ERC1: variants seen among roughly 807,000 people sequenced by gnomAD.
ERC1 encodes ELKS/RAB6-interacting/CAST family member 1, also known as RAB6 interacting protein 2.
A neutral mutation model predicts 132.0 loss-of-function variants in ERC1; 56 were observed. The ratio of observed to expected loss-of-function variants is 0.42; its 90% CI spans 0.34 to 0.53. ERC1 has a LOEUF of 0.53. Among genes scored for constraint, ERC1 ranks in the 20% least tolerant of loss-of-function variants. The pLI is 0.03. For missense variants in ERC1, 1,202 were observed against 1,349.9 expected, an observed-to-expected ratio of 0.89 and a Z score of 1.72; for synonymous variants, 478 against 476.1, an observed-to-expected ratio of 1.00 and a Z score of -0.05.
intron 15 of ERC1, among the ~76,000 whole-genome samples, chr12:1,362,359 C>G (rs867070819): frequency 1.5e-4 from 23 of 152,210 alleles, no homozygotes; most frequent in South Asian, 4.2e-4. Context: ...TCTGTCCATC[C>G]GATCTTGGCA....
At chr12:1,251,729 A>G (rs560078133) in intron 13 of ERC1, among the ~76,000 whole-genome samples, 8 of 152,306 alleles carry the variant, frequency 5.3e-5, no homozygotes, top group African/African-American at 1.9e-4. Flanking sequence ...TGGACTCTGT[A>G]GTACTTTTCC....
rs187858581 is a variant in ERC1 at position 1,139,248 on chromosome 12, A to C, written c.1570-2372A>C. 3.9e-5 allele frequency among the ~76,000 whole-genome samples: 6 copies of C among 152,174 alleles called. No homozygotes were observed. In the East Asian group the frequency reaches 1.2e-3, roughly 29 times the overall value. ...CTGCTGTATTCCACCCTGGAGGTGA[A>C]TCTTCCTTCTGTCCAGTGTATCCAC... On this transcript the variant is annotated intron_variant, in intron 7 of 18. Coordinates refer to ENST00000360905, the MANE Select transcript of ERC1 (RefSeq NM_178040.4).
intron 3 of ERC1, among the ~76,000 whole-genome samples, chr12:1,095,698 C>T (rs1443425213): frequency 2.0e-5 from 3 of 152,042 alleles, no homozygotes; most frequent in African/African-American, 4.8e-5. Flanking sequence ...CTTCTATTTC[C>T]AGTCTTCTCT....
intron 8 of ERC1, among the ~76,000 whole-genome samples, chr12:1,147,581 G>A (rs554150018): frequency 6.6e-6 from 1 of 152,278 alleles, no homozygotes; most frequent in South Asian, 2.1e-4. Context: ...ACTTTTAGTG[G>A]ATTAGAAGTT....
intron 17 of ERC1, among the ~76,000 whole-genome samples, chr12:1,432,934 T>TA (rs2092839048): frequency 6.6e-6 from 1 of 152,232 alleles, no homozygotes; most frequent in Admixed American, 6.5e-5. Context: ...TGAAACTGAA[T>TA]ACCCAGTCAT....
chr12:1,301,335 C>T (rs1168370017), intron 15 of ERC1, among the ~76,000 whole-genome samples: 5 of 152,118 alleles, frequency 3.3e-5, no homozygotes, highest in Non-Finnish European at 7.4e-5. Context: ...ACCCCAAAAG[C>T]TATTTGAAAT....
At chr12:998,728 G>T (rs1232143853) in intron 1 of ERC1, among the ~76,000 whole-genome samples, 1 of 152,062 alleles carries the variant, frequency 6.6e-6, no homozygotes. Flanking sequence ...TTTCAGGACT[G>T]TCTACCACAG....
At chr12:1,190,479 C>T (rs949095764) in intron 12 of ERC1, among the ~76,000 whole-genome samples, 1 of 152,164 alleles carries the variant, frequency 6.6e-6, no homozygotes, top group Non-Finnish European at 1.5e-5. Context: ...AATTTTTAGA[C>T]TTTTCACAGT....
intron 18 of ERC1, among the ~76,000 whole-genome samples, chr12:1,450,344 T>G (rs73597997): frequency 0.016 from 2,506 of 152,286 alleles, 65 homozygotes; most frequent in African/African-American, 0.058. Context: ...TTGCCCCATA[T>G]TCCATCTGCC....
chr12:1,204,535 A>G, intron 12 of ERC1: 1 of 1,586,384 alleles, frequency 6.3e-7, no homozygotes, highest in Non-Finnish European at 8.5e-7. Context: ...GCACTAAAAC[A>G]AAGATGATGT....
intron 3 of ERC1, among the ~76,000 whole-genome samples, chr12:1,097,771 A>G (rs1046529399): frequency 2.0e-5 from 3 of 150,250 alleles, no homozygotes; most frequent in Non-Finnish European, 4.4e-5. Flanking sequence ...CTGGAGTGCA[A>G]TGTCGCGATC....
rs1272333707 is a variant in ERC1, at chr12:1,371,884, C to T, written c.2832C>T (p.Leu944=). The change falls in exon 16 of 19, where the codon CTC becomes CTT. Residue 944 remains leucine (L), a synonymous_variant. Transcript: ENST00000360905. ...GTGAAAAAGACGCCAATATAGCTCTCTTGGAGCTTTCGTCCTCTAAGAAGA... is the reference window on the plus strand; with the variant it reads ...GTGAAAAAGACGCCAATATAGCTCTTTTGGAGCTTTCGTCCTCTAAGAAGA... ...AISEKDANIA[L]LELSSSKKKT... 3 of 1,613,984 alleles carry T rather than the reference C, an allele frequency of 1.9e-6. No individual in the cohort carries two copies. Among genetic ancestry groups the T allele is most frequent in the African/African-American group, 1.3e-5 (1 of 74,938 alleles).
intron 2 of ERC1, among the ~76,000 whole-genome samples, chr12:1,043,270 C>T (rs1970567940): frequency 1.3e-5 from 2 of 152,004 alleles, no homozygotes; most frequent in Non-Finnish European, 2.9e-5. Flanking sequence ...GTCTCGAACT[C>T]CTGACCTTGT....
At chr12:1,355,812 T>TGA (rs2085465449) in intron 15 of ERC1, among the ~76,000 whole-genome samples, 1 of 151,936 alleles carries the variant, frequency 6.6e-6, no homozygotes, top group Non-Finnish European at 1.5e-5. Context: ...TTAGCTGAAT[T>TGA]GAGGGTGGAC....
At chr12:1,294,458 G>C (rs566427722) in intron 15 of ERC1, among the ~76,000 whole-genome samples, 1 of 152,242 alleles carries the variant, frequency 6.6e-6, no homozygotes, top group African/African-American at 2.4e-5. Flanking sequence ...AGTCCCTCTT[G>C]TTTTCAGCTT....
At chr12:1,150,923 C>T (rs959681866) in intron 8 of ERC1, among the ~76,000 whole-genome samples, 22 of 152,214 alleles carry the variant, frequency 1.4e-4, no homozygotes, top group African/African-American at 2.4e-4. Context: ...TAAGGAAATG[C>T]GAATAAAGCA....
chr12:1,375,935 A>G (rs1455470900), intron 16 of ERC1, among the ~76,000 whole-genome samples: 9 of 151,858 alleles, frequency 5.9e-5, no homozygotes, highest in Admixed American at 1.3e-4. Flanking sequence ...ACGGGGTTTC[A>G]CCAGCTTGGC....
At chr12:1,062,690 T>A (rs544387694) in intron 2 of ERC1, among the ~76,000 whole-genome samples, 1 of 152,346 alleles carries the variant, frequency 6.6e-6, no homozygotes, top group East Asian at 1.9e-4. Flanking sequence ...CTGTAGCTGT[T>A]GCATGGAATG....
chr12:1,330,031 C>T (rs2154357510), intron 15 of ERC1, among the ~76,000 whole-genome samples: 1 of 152,224 alleles, frequency 6.6e-6, no homozygotes, highest in East Asian at 1.9e-4. Flanking sequence ...TGGATTCAAC[C>T]CTGAAGTTTC....
Sources: gnomAD v4.1 joint callset for allele counts (sites outside exome capture counted in the v4.1 genomes callset) on GRCh38, gnomAD v4.1.1 for gene constraint, MANE v1.5 for transcripts, NCBI Gene and HGNC (gene_info 2026-07-23, HGNC 2026-07-21) for gene names.